The following RBFOX1 variants were observed in gnomAD, a reference collection of about 807,000 sequenced individuals.
The protein encoded by RBFOX1 is RNA binding protein fox-1 homolog 1.
RBFOX1 carries 8 observed loss-of-function variants against 57.7 expected under a neutral mutation model. The ratio of observed to expected loss-of-function variants is 0.14; its 90% CI spans 0.08 to 0.25. RBFOX1 has a LOEUF of 0.25. Ranked by LOEUF, RBFOX1 falls within the 10% of genes least tolerant of loss-of-function variation. The probability of loss-of-function intolerance (pLI) is 1.00; values close to 1 mark genes in which losing one functional copy is unlikely to be tolerated. For missense variants in RBFOX1, 611 were observed against 548.5 expected, an observed-to-expected ratio of 1.11 and a Z score of -1.14; for synonymous variants, 326 against 222.4, an observed-to-expected ratio of 1.47 and a Z score of -4.15.
chr16:6,058,565 A>T (rs987828142), intron 1 of RBFOX1, among the ~76,000 whole-genome samples: 8 of 151,932 alleles, frequency 5.3e-5, no homozygotes, highest in Admixed American at 1.3e-4. Context: ...CCATGCATCC[A>T]CCATCCATGT....
intron 3 of RBFOX1, among the ~76,000 whole-genome samples, chr16:5,696,208 G>A (rs2050837748): frequency 6.6e-6 from 1 of 152,140 alleles, no homozygotes; most frequent in East Asian, 1.9e-4. Context: ...TGATGCCTCT[G>A]GGTACCTTCT....
At chr16:7,099,459 G>A (rs1212421998) in intron 4 of RBFOX1, among the ~76,000 whole-genome samples, 1 of 152,156 alleles carries the variant, frequency 6.6e-6, no homozygotes, top group African/African-American at 2.4e-5. Flanking sequence ...TAGCTGAGTG[G>A]TTTGCACTGG....
chr16:7,659,765 G>A (rs1165009884), intron 12 of RBFOX1, among the ~76,000 whole-genome samples: 1 of 152,150 alleles, frequency 6.6e-6, no homozygotes, highest in South Asian at 2.1e-4. Flanking sequence ...GTTTTAAAAT[G>A]TAATCCAAAC....
chr16:6,987,745 G>A (rs1247873000), intron 3 of RBFOX1, among the ~76,000 whole-genome samples: 1 of 152,188 alleles, frequency 6.6e-6, no homozygotes, highest in Non-Finnish European at 1.5e-5. Context: ...CCTGTGTGGT[G>A]CCTCTTGCAG....
intron 3 of RBFOX1, among the ~76,000 whole-genome samples, chr16:6,779,510 T>G (rs2079975049): frequency 6.6e-6 from 1 of 151,280 alleles, no homozygotes; most frequent in Non-Finnish European, 1.5e-5. Flanking sequence ...TACACTAACT[T>G]TCTTTCATTT....
chr16:7,110,392 G>A (rs1256822283), intron 4 of RBFOX1, among the ~76,000 whole-genome samples: 1 of 114,394 alleles, frequency 8.7e-6, no homozygotes, highest in Non-Finnish European at 2.0e-5. Context: ...CTTTACAGTT[G>A]ACTACATTGA....
intron 4 of RBFOX1, among the ~76,000 whole-genome samples, chr16:7,114,451 A>C (rs577138004): frequency 6.6e-6 from 1 of 152,318 alleles, no homozygotes; most frequent in South Asian, 2.1e-4. Context: ...TGCAGTCTGC[A>C]TGAAAGCATG....
chr16:6,956,298 C>G lies in RBFOX1; in HGVS notation c.-15-95759C>G, dbSNP rs186381264. Among the ~76,000 whole-genome samples the G allele has an allele frequency of 6.4e-4, 97 of 152,236 alleles. 2 individuals carry two copies. In the South Asian group the frequency reaches 0.019, roughly 30 times the overall value. ...TGAAGAGAGTTTTTAGAGAGTCTTG[C>G]TAAGGAATCCCCATTCGTCATCTCC... On this transcript the variant is annotated intron_variant, in intron 3 of 15. Transcript: ENST00000550418.
chr16:7,660,130 T>C (rs540412609), intron 12 of RBFOX1, among the ~76,000 whole-genome samples: 33 of 152,336 alleles, frequency 2.2e-4, no homozygotes, highest in African/African-American at 7.9e-4. Context: ...ATTGTATAGT[T>C]TGGGCATTTT....
chr16:5,559,906 T>C (rs869055397), intron 2 of RBFOX1, among the ~76,000 whole-genome samples: 1 of 151,846 alleles, frequency 6.6e-6, no homozygotes, highest in Non-Finnish European at 1.5e-5. Flanking sequence ...TGAGATCCTT[T>C]ATTCTTCCTC....
At chr16:6,612,772 A>C (rs187951099) in intron 2 of RBFOX1, among the ~76,000 whole-genome samples, 2 of 151,340 alleles carry the variant, frequency 1.3e-5, no homozygotes, top group African/African-American at 4.9e-5. Context: ...GAATTACTTG[A>C]ACCTAGGAGG....
chr16:6,928,998 C>T lies in RBFOX1; in HGVS notation c.-15-123059C>T, dbSNP rs532426597. Reference sequence around the variant, plus strand: ...AGATGTTCACGGTGCAAGCGTCATTCACAGACACGCATGCTTGAGTTCCAA... The same window carrying T: ...AGATGTTCACGGTGCAAGCGTCATTTACAGACACGCATGCTTGAGTTCCAA... On this transcript the variant is annotated intron_variant, in intron 3 of 15. Coordinates refer to ENST00000550418, the MANE Select transcript of RBFOX1 (RefSeq NM_018723.4). 2.0e-5 allele frequency among the ~76,000 whole-genome samples: 3 copies of T among 152,250 alleles called. No homozygotes were observed. In the South Asian group the frequency reaches 6.2e-4, roughly 32 times the overall value.
intron 3 of RBFOX1, among the ~76,000 whole-genome samples, chr16:6,757,457 C>T (rs2075979304): frequency 1.3e-5 from 2 of 152,158 alleles, no homozygotes; most frequent in South Asian, 4.1e-4. Context: ...GAATACTATT[C>T]AGCCCTGAAA....
chr16:6,481,779 G>A (rs929810210), intron 2 of RBFOX1, among the ~76,000 whole-genome samples: 19 of 152,240 alleles, frequency 1.2e-4, no homozygotes, highest in East Asian at 7.7e-4. Flanking sequence ...TTTACTTTAT[G>A]GTTATCTCAG....
At chr16:7,384,424 G>C (rs188721275) in intron 4 of RBFOX1, among the ~76,000 whole-genome samples, 1 of 152,238 alleles carries the variant, frequency 6.6e-6, no homozygotes, top group East Asian at 1.9e-4. Flanking sequence ...TGGTATTTTG[G>C]TTCTTGAATT....
chr16:7,449,358 A>T (rs2098833295), intron 4 of RBFOX1, among the ~76,000 whole-genome samples: 1 of 152,202 alleles, frequency 6.6e-6, no homozygotes, highest in African/African-American at 2.4e-5. Flanking sequence ...ATGCCAAGTG[A>T]AAGTAGTCAG....
intron 1 of RBFOX1, among the ~76,000 whole-genome samples, chr16:6,134,257 T>G (rs2096650252): frequency 6.6e-6 from 1 of 152,154 alleles, no homozygotes; most frequent in Non-Finnish European, 1.5e-5. Flanking sequence ...CTTATAGTAT[T>G]CAGCACCCCT....
chr16:6,397,320 G>T (rs2092880483), intron 2 of RBFOX1, among the ~76,000 whole-genome samples: 1 of 152,078 alleles, frequency 6.6e-6, no homozygotes, highest in African/African-American at 2.4e-5. Context: ...TTTCCTACAT[G>T]GGGCATAGTG....
chr16:6,608,447 C>T (rs957614926), intron 2 of RBFOX1, among the ~76,000 whole-genome samples: 26 of 152,132 alleles, frequency 1.7e-4, no homozygotes, highest in African/African-American at 6.3e-4. Context: ...CACCCTTATT[C>T]GTTTCCTGTT....
Sources: allele counts gnomAD v4.1 joint callset (sites outside exome capture counted in the v4.1 genomes callset), GRCh38; gene constraint gnomAD v4.1.1; transcripts MANE v1.5; gene names NCBI Gene and HGNC (gene_info 2026-07-23, HGNC 2026-07-21).